The following RAI14 variants were observed in gnomAD, a reference collection of about 807,000 sequenced individuals.
RAI14 encodes ankycorbin.
A neutral mutation model predicts 115.4 loss-of-function variants in RAI14; 45 were observed. The observed-to-expected ratio is 0.39, with a 90% CI of 0.31 to 0.50. The LOEUF is 0.50. Ranked by LOEUF, RAI14 falls within the 20% of genes least tolerant of loss-of-function variation. The pLI is 0.85. For synonymous variants in RAI14, 371 were observed against 415.4 expected (o/e 0.89, Z 1.30); for missense variants, 939 against 1,131.2 (o/e 0.83, Z 2.44).
chr5:34,676,819 A>G (rs563478519), intron 1 of RAI14, among the ~76,000 whole-genome samples: 1 of 152,322 alleles, frequency 6.6e-6, no homozygotes, highest in East Asian at 1.9e-4. Context: ...ACAGTATCTA[A>G]ATGACATTTA....
intron 1 of RAI14, among the ~76,000 whole-genome samples, chr5:34,664,879 C>T (rs974602553): frequency 2.7e-5 from 4 of 150,002 alleles, no homozygotes; most frequent in Non-Finnish European, 4.4e-5. Context: ...CGATGTTTGG[C>T]TTTCCATTCC....
At chr5:34,748,149 GT>G (rs1476208385) in intron 2 of RAI14, among the ~76,000 whole-genome samples, 4 of 152,198 alleles carry the variant, frequency 2.6e-5, no homozygotes, top group African/African-American at 9.7e-5. Context: ...GCACTCGGCA[GT>G]TATGTAGAAA....
chr5:34,829,124 CACAT>C (rs1411997293), intron 16 of RAI14, among the ~76,000 whole-genome samples: 1 of 121,102 alleles, frequency 8.3e-6, no homozygotes, highest in Non-Finnish European at 1.7e-5. Flanking sequence ...TATATACACA[CACAT>C]ATATACATAT....
At chr5:34,710,692 G>C (rs1016445115) in intron 2 of RAI14, among the ~76,000 whole-genome samples, 3 of 152,102 alleles carry the variant, frequency 2.0e-5, no homozygotes, top group African/African-American at 7.2e-5. Flanking sequence ...TAGAACCAGG[G>C]AGCTGCATTT....
chr5:34,673,808 C>A (rs1579871203), intron 1 of RAI14, among the ~76,000 whole-genome samples: 1 of 152,222 alleles, frequency 6.6e-6, no homozygotes, highest in Non-Finnish European at 1.5e-5. Flanking sequence ...TCTTGGGCAG[C>A]TACCAGGCTC....
At chr5:34,708,108 C>A (rs1165319919) in intron 2 of RAI14, among the ~76,000 whole-genome samples, 2 of 152,050 alleles carry the variant, frequency 1.3e-5, no homozygotes, top group Admixed American at 6.5e-5. Flanking sequence ...AGCTAAGCTG[C>A]TCCTGAGTGT....
intron 2 of RAI14, among the ~76,000 whole-genome samples, chr5:34,744,842 G>A (rs1745959727): frequency 6.6e-6 from 1 of 152,174 alleles, no homozygotes; most frequent in Non-Finnish European, 1.5e-5. Flanking sequence ...CAAGGCATTG[G>A]CAAGGCCATG....
At chr5:34,675,253 A>G (rs1290743021) in intron 1 of RAI14, among the ~76,000 whole-genome samples, 2 of 152,216 alleles carry the variant, frequency 1.3e-5, no homozygotes, top group Non-Finnish European at 2.9e-5. Context: ...TGTAAAATTC[A>G]CTAATTTTAG....
chr5:34,661,762 AC>A (rs1435054707), intron 1 of RAI14, among the ~76,000 whole-genome samples: 1 of 152,134 alleles, frequency 6.6e-6, no homozygotes, highest in African/African-American at 2.4e-5. Flanking sequence ...GTAGATGCTG[AC>A]TGTATTCCAC....
chr5:34,695,453 A>G (rs1346061385), intron 2 of RAI14, among the ~76,000 whole-genome samples: 1 of 152,140 alleles, frequency 6.6e-6, no homozygotes, highest in Non-Finnish European at 1.5e-5. Flanking sequence ...TACCCTCTAG[A>G]GCTGCTCTGT....
intron 3 of RAI14, among the ~76,000 whole-genome samples, chr5:34,794,254 C>T (rs1753251402): frequency 6.6e-6 from 1 of 152,148 alleles, no homozygotes; most frequent in Non-Finnish European, 1.5e-5. Context: ...GAAACCCCGT[C>T]TCTACTAAAA....
chr5:34,696,990 G>C (rs1273944352), intron 2 of RAI14, among the ~76,000 whole-genome samples: 1 of 151,828 alleles, frequency 6.6e-6, no homozygotes, highest in African/African-American at 2.4e-5. Flanking sequence ...AATTAGCCAG[G>C]CATGGTGGCA....
chr5:34,815,541 C>T (rs368401035), intron 12 of RAI14, among the ~76,000 whole-genome samples: 3 of 152,232 alleles, frequency 2.0e-5, no homozygotes, highest in African/African-American at 4.8e-5. Flanking sequence ...CCAGCATGGG[C>T]GACAGAGCGA....
chr5:34,680,854 A>T (rs935008177), intron 1 of RAI14, among the ~76,000 whole-genome samples: 4 of 152,188 alleles, frequency 2.6e-5, no homozygotes, highest in Non-Finnish European at 4.4e-5. Flanking sequence ...ATTATTCTTT[A>T]TTCATATCCT....
chr5:34,661,783 G>T (rs977612854), intron 1 of RAI14, among the ~76,000 whole-genome samples: 10 of 152,190 alleles, frequency 6.6e-5, no homozygotes, highest in Non-Finnish European at 1.3e-4. Flanking sequence ...CACGACATCT[G>T]CAGTAACAGG....
chr5:34,717,074 T>A (rs957732592), intron 2 of RAI14, among the ~76,000 whole-genome samples: 1 of 152,216 alleles, frequency 6.6e-6, no homozygotes, highest in Non-Finnish European at 1.5e-5. Flanking sequence ...ATTATGTATG[T>A]GTATGTGCGC....
chr5:34,813,551 C>T, intron 10 of RAI14, 23 bp from the exon 11 acceptor site: 3 of 1,585,598 alleles, frequency 1.9e-6, no homozygotes, highest in Non-Finnish European at 2.6e-6. Flanking sequence ...CACCTCCATT[C>T]TTTGGACTGT....
At chr5:34,797,441 G>GT (rs35792211) in intron 4 of RAI14, among the ~76,000 whole-genome samples, 64,084 of 150,694 alleles carry the variant, frequency 0.43, 14,024 homozygotes, top group Admixed American at 0.53. Context: ...TGAGAATAGG[G>GT]TTTTTTTTTA....
intron 3 of RAI14, among the ~76,000 whole-genome samples, chr5:34,762,045 G>A (rs1021134647): frequency 1.3e-5 from 2 of 152,220 alleles, no homozygotes; most frequent in African/African-American, 4.8e-5. Context: ...CCTAAGGACA[G>A]GGATGGTACA....
Sources: gnomAD v4.1 joint callset for allele counts (sites outside exome capture counted in the v4.1 genomes callset) on GRCh38, gnomAD v4.1.1 for gene constraint, MANE v1.5 for transcripts, NCBI Gene and HGNC (gene_info 2026-07-23, HGNC 2026-07-21) for gene names.